The following UBE2R2 variants were observed in gnomAD, a reference collection of about 807,000 sequenced individuals.
UBE2R2 encodes the protein ubiquitin-conjugating enzyme E2 R2.
UBE2R2 carries 1 observed loss-of-function variant against 27.8 expected under a neutral mutation model. The ratio of observed to expected loss-of-function variants is 0.04; its 90% CI spans 0.01 to 0.17. The LOEUF (loss-of-function observed/expected upper bound fraction) is 0.17. Among genes scored for constraint, UBE2R2 ranks in the 10% least tolerant of loss-of-function variants. UBE2R2 has a pLI of 1.00. For synonymous variants in UBE2R2, 106 were observed against 113.3 expected, an observed-to-expected ratio of 0.94 and a Z score of 0.41; for missense variants, 100 against 291.0, an observed-to-expected ratio of 0.34 and a Z score of 4.78.
chr9:33,846,013 C>A lies in UBE2R2; in HGVS notation c.177+28079C>A, dbSNP rs556531177. Among the ~76,000 whole-genome samples, 9 of 152,038 alleles carry A rather than the reference C, an allele frequency of 5.9e-5. No individual in the cohort carries two copies. The South Asian group carries it at 1.9e-3, about 32-fold the overall frequency. ...AGGTGGCGGGTACCTGTAGTTCCAG[C>A]TACTCGGGAGGCTGAGGCAGGAAAA... On this transcript the variant is annotated intron_variant, in intron 1 of 4. Transcript: ENST00000263228.
At chr9:33,843,390 C>T (rs915202615) in intron 1 of UBE2R2, among the ~76,000 whole-genome samples, 2 of 151,586 alleles carry the variant, frequency 1.3e-5, no homozygotes, top group African/African-American at 4.8e-5. Flanking sequence ...CAACTTACTT[C>T]ATTAGTAGTA....
chr9:33,819,331 G>T (rs907648025), intron 1 of UBE2R2, among the ~76,000 whole-genome samples: 2 of 152,062 alleles, frequency 1.3e-5, no homozygotes, highest in Admixed American at 6.5e-5. Context: ...TGTAGGAAAT[G>T]GGATTGATAC....
chr9:33,891,488 A>G (rs1346035450), intron 2 of UBE2R2, among the ~76,000 whole-genome samples: 2 of 152,028 alleles, frequency 1.3e-5, no homozygotes, highest in African/African-American at 4.8e-5. Context: ...TCTACTAAAA[A>G]TAGAAAAAAT....
intron 3 of UBE2R2, among the ~76,000 whole-genome samples, chr9:33,911,642 T>TTTGTGCATTACCCTTATACTAGAATCAC (rs1165054428): frequency 6.6e-6 from 1 of 152,172 alleles, no homozygotes; most frequent in African/African-American, 2.4e-5. Flanking sequence ...ATTTTTATGC[T>TTTGTGCATTACCCTTATACTAGAATCAC]TTGTGCATTA....
At chr9:33,854,510 C>CG (rs1035072780) in intron 1 of UBE2R2, among the ~76,000 whole-genome samples, 2 of 151,834 alleles carry the variant, frequency 1.3e-5, no homozygotes, top group African/African-American at 4.8e-5. Context: ...TTTGTAGAGA[C>CG]GGGGTTTTAC....
At chr9:33,914,527 A>G (rs889203913) in intron 4 of UBE2R2, among the ~76,000 whole-genome samples, 4 of 152,264 alleles carry the variant, frequency 2.6e-5, no homozygotes, top group South Asian at 2.1e-4. Context: ...AGGTGATGCT[A>G]TTTGAGTTCT....
intron 2 of UBE2R2, among the ~76,000 whole-genome samples, chr9:33,888,781 T>C (rs1028277901): frequency 3.3e-5 from 5 of 152,330 alleles, no homozygotes; most frequent in African/African-American, 9.6e-5. Flanking sequence ...CCTCCCAAAG[T>C]GCTGGGATTA....
chr9:33,891,629 A>G (rs1467615328), intron 2 of UBE2R2, among the ~76,000 whole-genome samples: 1 of 152,104 alleles, frequency 6.6e-6, no homozygotes, highest in Non-Finnish European at 1.5e-5. Flanking sequence ...CCTGGGCAAC[A>G]GAGTGAGACT....
At chr9:33,888,728 A>C (rs908701567) in intron 2 of UBE2R2, among the ~76,000 whole-genome samples, 1 of 152,136 alleles carries the variant, frequency 6.6e-6, no homozygotes. Flanking sequence ...TGTCGGCCAG[A>C]GTGGCCTCGA....
chr9:33,848,122 G>A (rs1031596676), intron 1 of UBE2R2, among the ~76,000 whole-genome samples: 1 of 152,028 alleles, frequency 6.6e-6, no homozygotes, highest in Non-Finnish European at 1.5e-5. Context: ...CAGATTCTAG[G>A]TACTGTATTT....
In UBE2R2 at chr9:33,907,119, GT is replaced by G. The variant is rs563691970; in HGVS notation, c.363-4843del. Among the ~76,000 whole-genome samples, 7 of 152,278 alleles carry G rather than the reference GT, an allele frequency of 4.6e-5. 1 individual carries two copies. The South Asian group carries it at 1.4e-3, about 32-fold the overall frequency. On this transcript the variant is annotated intron_variant, in intron 3 of 4. Transcript: ENST00000263228. ...CTGCAATATATATTATATATGATGTGTTGGTCTTCATTTTCTTTGAGGGTTT... is the reference window on the plus strand; with the variant it reads ...CTGCAATATATATTATATATGATGTGTGGTCTTCATTTTCTTTGAGGGTTT...
At chr9:33,819,049 G>C (rs1300080397) in intron 1 of UBE2R2, among the ~76,000 whole-genome samples, 2 of 152,132 alleles carry the variant, frequency 1.3e-5, no homozygotes, top group Admixed American at 6.6e-5. Flanking sequence ...CAGATTGAAA[G>C]TCTGAATATT....
intron 1 of UBE2R2, among the ~76,000 whole-genome samples, chr9:33,849,055 G>A (rs1212475811): frequency 6.6e-6 from 1 of 151,536 alleles, no homozygotes; most frequent in Non-Finnish European, 1.5e-5. Flanking sequence ...TTGGGAGTTC[G>A]AGACCAGCCT....
At chr9:33,884,229 T>TCTCTCTCTCTCTCTCTCTCTCTCC (rs1313176322) in intron 1 of UBE2R2, among the ~76,000 whole-genome samples, 8 of 146,390 alleles carry the variant, frequency 5.5e-5, no homozygotes, top group African/African-American at 1.8e-4. Flanking sequence ...TCTCTCTCTC[T>TCTCTCTCTCTCTCTCTCTCTCTCC]CTCTCTTCCC....
intron 1 of UBE2R2, among the ~76,000 whole-genome samples, chr9:33,865,977 G>A (rs1168119022): frequency 6.6e-6 from 1 of 151,546 alleles, no homozygotes; most frequent in Non-Finnish European, 1.5e-5. Flanking sequence ...GATTACGGGT[G>A]CCCACCACCA....
At chr9:33,902,713 GCTTT>G (rs1435558143) in intron 3 of UBE2R2, among the ~76,000 whole-genome samples, 1 of 152,082 alleles carries the variant, frequency 6.6e-6, no homozygotes, top group Non-Finnish European at 1.5e-5. Context: ...TTGAGAATAC[GCTTT>G]CTTTTTTTGA....
chr9:33,901,971 C>T (rs1443250772), intron 3 of UBE2R2, among the ~76,000 whole-genome samples: 6 of 145,706 alleles, frequency 4.1e-5, no homozygotes, highest in Admixed American at 7.0e-5. Context: ...TGGAATGAAG[C>T]GGCGCGGTCA....
intron 4 of UBE2R2, among the ~76,000 whole-genome samples, chr9:33,913,479 C>G (rs1822542920): frequency 6.6e-6 from 1 of 152,072 alleles, no homozygotes; most frequent in Admixed American, 6.6e-5. Context: ...CCAGCCTGGT[C>G]TTGAACTCTT....
At chr9:33,897,099 C>T (rs1472908922) in intron 2 of UBE2R2, among the ~76,000 whole-genome samples, 4 of 121,348 alleles carry the variant, frequency 3.3e-5, no homozygotes, top group Non-Finnish European at 6.3e-5. Flanking sequence ...TGCAGTGGCG[C>T]GATCTCAGCT....
Sources: allele counts gnomAD v4.1 joint callset (sites outside exome capture counted in the v4.1 genomes callset), GRCh38; gene constraint gnomAD v4.1.1; transcripts MANE v1.5; gene names NCBI Gene and HGNC (gene_info 2026-07-23, HGNC 2026-07-21).